The following ZC3H7A variants were observed in gnomAD, a reference collection of about 807,000 sequenced individuals.
ZC3H7A encodes the protein zinc finger CCCH-type containing 7A.
A neutral mutation model predicts 125.5 loss-of-function variants in ZC3H7A; 44 were observed. The observed-to-expected ratio is 0.35, with a 90% confidence interval of 0.28 to 0.45. ZC3H7A has a LOEUF of 0.45. Among genes scored for constraint, ZC3H7A ranks in the 20% least tolerant of loss-of-function variants. The probability of loss-of-function intolerance (pLI) is 1.00; values close to 1 mark genes in which losing one functional copy is unlikely to be tolerated. For synonymous variants in ZC3H7A, 399 were observed against 391.2 expected (o/e 1.02, Z -0.23); for missense variants, 977 against 1,170.7 (o/e 0.83, Z 2.41).
intron 4 of ZC3H7A, among the ~76,000 whole-genome samples, chr16:11,777,508 G>T (rs565840729): frequency 5.8e-4 from 88 of 152,228 alleles, no homozygotes; most frequent in African/African-American, 2.0e-3. Context: ...ATCACCTGAG[G>T]TCAGGAGTTC....
chr16:11,785,276 T>C (rs1035640661), intron 1 of ZC3H7A, among the ~76,000 whole-genome samples: 7 of 151,866 alleles, frequency 4.6e-5, no homozygotes, highest in African/African-American at 1.7e-4. Context: ...GAGGTCGAGG[T>C]TGCAGTGAGC....
Position 11,751,246 on chromosome 16 carries a change from A to G in ZC3H7A, c.*71T>C. On this transcript the variant is annotated 3_prime_UTR_variant, in exon 23 of 23. Transcript: ENST00000355758. ...GCAGGAAATCTGCAGCTCCTCTGCT[A>G]TGTGCCTCAGAACACTTTCAATTTT... 6.9e-7 allele frequency: 1 copy of G among 1,453,922 alleles called. No homozygotes were observed. The highest frequency in any genetic ancestry group is 1.4e-5 in the South Asian group (1 of 72,802). The allele number at this position is 1,453,922 out of a possible 1,614,324, so 90.1% of individuals were successfully genotyped here. A position where few individuals can be genotyped will look rare whatever the true frequency, so the allele number is the denominator to read the frequency against.
Position 11,776,324 on chromosome 16 carries a change from G to A in ZC3H7A, c.581C>T (p.Thr194Ile). Residue 194 changes from threonine (T) to isoleucine (I), a missense_variant, in exon 7 of 23, where the codon ACC becomes ATC. This residue lies in a region of ZC3H7A where 199 missense variants were observed against 256.1 expected (regional missense o/e 0.78). Transcript: ENST00000355758. Reference sequence around the variant, plus strand: ...TGACAGAAAAAATAACTTTACCTTGGTAGCCCCATCCCCAGGAACTGATTT... The same window carrying A: ...TGACAGAAAAAATAACTTTACCTTGATAGCCCCATCCCCAGGAACTGATTT... ...SLKSVPGDGA[T>I]KALNHSVEDI... The A allele has an allele frequency of 2.5e-6, 4 of 1,606,330 alleles. No individual in the cohort carries two copies. Among genetic ancestry groups the A allele is most frequent in the African/African-American group, 1.3e-5 (1 of 74,436 alleles).
At chr16:11,780,900 C>T (rs1029505344) in intron 3 of ZC3H7A, among the ~76,000 whole-genome samples, 3 of 152,160 alleles carry the variant, frequency 2.0e-5, no homozygotes, top group Admixed American at 6.5e-5. Context: ...ATCCAGTCCC[C>T]CTTAGCTGCT....
rs543736657 is a variant in ZC3H7A, at chr16:11,788,006, C to A, written c.-34-5618G>T. Reference sequence around the variant, plus strand: ...GTGAGCCCCCTCGTCCAGCCCCATACTCCTTTTTTTAAAGAAAGAAAAAGA... The same window carrying A: ...GTGAGCCCCCTCGTCCAGCCCCATAATCCTTTTTTTAAAGAAAGAAAAAGA... On this transcript the variant is annotated intron_variant, in intron 1 of 22. Coordinates refer to ENST00000355758, the MANE Select transcript of ZC3H7A (RefSeq NM_014153.4). Among the ~76,000 whole-genome samples the A allele has an allele frequency of 1.1e-3, 165 of 151,288 alleles. 1 individual carries two copies. Among genetic ancestry groups the A allele is most frequent in the African/African-American group, 3.6e-3 (150 of 41,258 alleles).
Position 11,797,248 on chromosome 16 carries a change from G to A in ZC3H7A, c.-159C>T, listed in dbSNP as rs1275259349. The A allele has an allele frequency of 6.6e-6, 1 of 150,878 alleles. No homozygotes were observed. The highest frequency in any genetic ancestry group is 1.5e-5 in the Non-Finnish European group (1 of 67,162). 9.3% of individuals were successfully genotyped at this position (150,878 alleles called of 1,614,324 possible). ...GCTCGCAGCTCTCCCTCGGTTAGCG[G>A]CGGCGGCAGCGGCTCGGTTGCGCCC... On this transcript the variant is annotated 5_prime_UTR_variant, in exon 1 of 23. Coordinates refer to ENST00000355758, the MANE Select transcript of ZC3H7A (RefSeq NM_014153.4).
intron 10 of ZC3H7A, among the ~76,000 whole-genome samples, chr16:11,770,176 G>A (rs16958642): frequency 0.13 from 19,139 of 151,964 alleles, 1,700 homozygotes; most frequent in African/African-American, 0.24. Context: ...CAATCTTTAA[G>A]TCAATTATGT....
chr16:11,752,965 AC>A, intron 21 of ZC3H7A, 133 bp from the exon 22 acceptor site: 1 of 1,141,706 alleles, frequency 8.8e-7, no homozygotes, highest in Non-Finnish European at 1.2e-6. Context: ...CAAGGAAAGG[AC>A]CACAGCATGG....
rs1439797636 is a variant in ZC3H7A, at chr16:11,758,717, A to G, written c.2320-178T>C. The G allele has an allele frequency of 2.2e-5, 12 of 556,794 alleles. No individual in the cohort carries two copies. The East Asian group carries it at 3.2e-4, about 15-fold the overall frequency. 34.5% of individuals were successfully genotyped at this position (556,794 alleles called of 1,614,324 possible). On this transcript the variant is annotated intron_variant, in intron 19 of 22. Transcript: ENST00000355758. ...ATATGCTCTAAATATATGAAATGAT[A>G]TTAAGGTTTCTATCTCAAAATTTTT...
At chr16:11,795,054 G>A (rs2053414595) in intron 1 of ZC3H7A, among the ~76,000 whole-genome samples, 1 of 152,112 alleles carries the variant, frequency 6.6e-6, no homozygotes, top group Admixed American at 6.5e-5. Flanking sequence ...TGATAATATT[G>A]AGCCTCAACA....
At chr16:11,775,037 G>T (rs1469893244) in intron 7 of ZC3H7A, 24 bp from the exon 8 acceptor site, 2 of 1,613,226 alleles carry the variant, frequency 1.2e-6, no homozygotes, top group Non-Finnish European at 1.7e-6. Context: ...CAAACAATGG[G>T]TTATAATATT....
intron 21 of ZC3H7A, among the ~76,000 whole-genome samples, chr16:11,755,550 G>A (rs1394987404): frequency 2.6e-5 from 4 of 152,030 alleles, no homozygotes; most frequent in African/African-American, 9.7e-5. Context: ...GTCCAGCGGG[G>A]TAGACAGCCC....
intron 19 of ZC3H7A, among the ~76,000 whole-genome samples, chr16:11,760,134 A>AAG (rs1362329130): frequency 2.0e-4 from 30 of 150,974 alleles, no homozygotes; most frequent in African/African-American, 4.9e-4. Context: ...AAAAAAAAAA[A>AAG]AAAAAAAAAA....
intron 2 of ZC3H7A, among the ~76,000 whole-genome samples, chr16:11,782,075 T>C (rs1287708167): frequency 6.6e-6 from 1 of 152,212 alleles, no homozygotes; most frequent in African/African-American, 2.4e-5. Flanking sequence ...CTAACAATTG[T>C]AGCCCTAAAA....
intron 4 of ZC3H7A, 113 bp from the exon 5 acceptor site, chr16:11,777,022 A>C: frequency 1.3e-6 from 1 of 749,986 alleles, no homozygotes; most frequent in South Asian, 2.9e-5. Context: ...CTCCCTCTAA[A>C]CTCCAAGTTA....
chr16:11,762,639 C>A (rs2052771529), intron 17 of ZC3H7A, 32 bp downstream of exon 17: 3 of 1,606,242 alleles, frequency 1.9e-6, no homozygotes, highest in African/African-American at 1.3e-5. Flanking sequence ...AGAAAGGACA[C>A]CAAATGCAGA....
intron 9 of ZC3H7A, among the ~76,000 whole-genome samples, chr16:11,773,515 A>C (rs1396019740): frequency 6.6e-6 from 1 of 151,948 alleles, no homozygotes; most frequent in African/African-American, 2.4e-5. Context: ...AATAGGCCAG[A>C]TTTAGCCTGT....
intron 4 of ZC3H7A, 129 bp from the exon 5 acceptor site, chr16:11,777,038 A>G: frequency 1.5e-6 from 1 of 645,870 alleles, no homozygotes; most frequent in Non-Finnish European, 2.4e-6. Flanking sequence ...AGTTAGCAGT[A>G]TTACTTTTAT....
At chr16:11,761,154 C>T (rs867380664) in intron 19 of ZC3H7A, among the ~76,000 whole-genome samples, 16 of 152,190 alleles carry the variant, frequency 1.1e-4, no homozygotes, top group South Asian at 4.1e-4. Context: ...TTAAATTGTC[C>T]CCATAACTTT....
Sources: gnomAD v4.1 joint callset for allele counts (sites outside exome capture counted in the v4.1 genomes callset) on GRCh38, gnomAD v4.1.1 for gene constraint, gnomAD v4.1.1 regional missense constraint, MANE v1.5 for transcripts, NCBI Gene and HGNC (gene_info 2026-07-23, HGNC 2026-07-21) for gene names.